Variants in SPON2 observed in about 807,000 individuals in gnomAD.
The protein encoded by SPON2 is spondin 2, also known as spondin-2.
Under a neutral mutation model 29.9 loss-of-function variants are expected in SPON2, and 32 were observed. The observed-to-expected ratio is 1.07, with a 90% CI of 0.81 to 1.44. The LOEUF is 1.44. Ranked by LOEUF, SPON2 falls within the 40% of genes most tolerant of loss-of-function variation. The pLI is 0.00. For synonymous variants in SPON2, 248 were observed against 209.1 expected (o/e 1.19, Z -1.61); for missense variants, 541 against 455.5 (o/e 1.19, Z -1.71).
Position 1,171,124 on chromosome 4 carries a change from A to T in SPON2, c.511T>A (p.Cys171Ser). 1 of 1,553,426 alleles carries T rather than the reference A, an allele frequency of 6.4e-7. No individual in the cohort carries two copies. The highest frequency in any genetic ancestry group is 1.4e-5 in the African/African-American group (1 of 73,382). The change falls in exon 4 of 6, where the codon TGC becomes AGC. Residue 171 changes from cysteine (C) to serine (S), a missense_variant. Transcript: ENST00000290902. ...TGTTCCCGCCAACGGTCCCCGTCGC[A>T]CAGGTCCAGGCTGTCCACGCCCACG... ...WFVGVDSLDL[C>S]DGDRWREQAA...
chr4:1,205,531 G>A (rs969972445), intron 1 of SPON2, among the ~76,000 whole-genome samples: 1 of 152,196 alleles, frequency 6.6e-6, no homozygotes, highest in Admixed American at 6.5e-5. Context: ...GGTTAAAAAC[G>A]AGGATCCTGG....
At chr4:1,171,754 C>T (rs1180007671) in intron 2 of SPON2, 98 bp downstream of exon 2, 4 of 909,710 alleles carry the variant, frequency 4.4e-6, no homozygotes, top group Non-Finnish European at 7.1e-6. Flanking sequence ...GACGTCAGCA[C>T]GCCCCAGACT....
At chr4:1,204,400 T>C (rs1052628427) in intron 1 of SPON2, among the ~76,000 whole-genome samples, 1 of 152,320 alleles carries the variant, frequency 6.6e-6, no homozygotes, top group East Asian at 1.9e-4. Flanking sequence ...GTCTGCAGGA[T>C]ACAGACCCGG....
intron 5 of SPON2, chr4:1,170,083 C>T (rs1727374024): frequency 3.3e-6 from 1 of 300,394 alleles, no homozygotes; most frequent in Non-Finnish European, 6.2e-6. Context: ...TAGCAAGCTT[C>T]CTTGTCAGCT....
chr4:1,177,204 G>T (rs1306458987), upstream of SPON2, among the ~76,000 whole-genome samples: 1 of 152,184 alleles, frequency 6.6e-6, no homozygotes, highest in African/African-American at 2.4e-5. Context: ...AGCAGCCCCT[G>T]TGTCCACATC....
At chr4:1,167,760 G>A in intron 5 of SPON2, 104 bp from the exon 6 acceptor site, 1 of 1,303,744 alleles carries the variant, frequency 7.7e-7, no homozygotes, top group Non-Finnish European at 1.0e-6. Context: ...CAGAGGCCAC[G>A]CCCACCCTTC....
At chr4:1,206,942 T>G (rs138475641) in intron 1 of SPON2, among the ~76,000 whole-genome samples, 4 of 18,488 alleles carry the variant, frequency 2.2e-4, no homozygotes, top group Non-Finnish European at 4.2e-4. Flanking sequence ...GAAGAGGCAG[T>G]GGGGGCAGGT....
At chr4:1,195,353 C>A (rs181496600), upstream of SPON2, among the ~76,000 whole-genome samples, 1 of 150,852 alleles carries the variant, frequency 6.6e-6, no homozygotes, top group East Asian at 1.9e-4. Context: ...ACAGGACCGG[C>A]CCCCTGGCCC....
intron 2 of SPON2, among the ~76,000 whole-genome samples, chr4:1,178,739 G>C (rs1727651709): frequency 6.6e-6 from 1 of 150,498 alleles, no homozygotes; most frequent in South Asian, 2.1e-4. Context: ...CATAACCAGT[G>C]TGAGCAGACA....
chr4:1,168,902 C>T (rs374587448), intron 5 of SPON2, among the ~76,000 whole-genome samples: 11 of 152,216 alleles, frequency 7.2e-5, no homozygotes, highest in African/African-American at 2.7e-4. Flanking sequence ...CCGCCACATG[C>T]CCATCCCAGC....
upstream of SPON2, among the ~76,000 whole-genome samples, chr4:1,175,106 G>A (rs753294445): frequency 9.9e-5 from 15 of 152,232 alleles, no homozygotes; most frequent in African/African-American, 3.1e-4. Flanking sequence ...GGCATGGGGC[G>A]GCTGTACTGC....
chr4:1,170,572 G>C lies in SPON2; in HGVS notation c.641C>G (p.Thr214Arg), dbSNP rs377322914. ...GGCCGGGTGGCTGGGAGAGGAGGAC[G>C]TTATCTGGGGAGGAAGAAGAGGAGG... ...TIPQDTVTEITSSSPSHPANS... is the reference protein window; with the variant it reads ...TIPQDTVTEIRSSSPSHPANS... Residue 214 changes from threonine to arginine, a missense_variant, in exon 5 of 6, where the codon ACG (threonine) becomes AGG (arginine). Transcript: ENST00000290902. The C allele has an allele frequency of 5.0e-6, 8 of 1,607,920 alleles. No individual in the cohort carries two copies. Among genetic ancestry groups the C allele is most frequent in the Non-Finnish European group, 6.8e-6 (8 of 1,178,214 alleles).
upstream of SPON2, among the ~76,000 whole-genome samples, chr4:1,198,568 T>C (rs900031): frequency 0.95 from 145,349 of 152,218 alleles, 69,757 homozygotes; most frequent in East Asian, 1. Flanking sequence ...TAGGACTCAA[T>C]GCAGCATCAG....
intron 1 of SPON2, 164 bp downstream of exon 1, chr4:1,172,380 A>T (rs1727487712): frequency 2.0e-6 from 1 of 508,754 alleles, no homozygotes; most frequent in Admixed American, 3.5e-5. Context: ...CGTCGCAGGG[A>T]CCCGGGGCCT....
chr4:1,173,840 G>C (rs1727534909), upstream of SPON2, among the ~76,000 whole-genome samples: 1 of 152,220 alleles, frequency 6.6e-6, no homozygotes, highest in Non-Finnish European at 1.5e-5. Flanking sequence ...AGGCCCCCAG[G>C]CCAAAGACAA....
chr4:1,173,024 C>T (rs988289202), upstream of SPON2: 3 of 151,300 alleles, frequency 2.0e-5, no homozygotes, highest in Admixed American at 6.6e-5. Context: ...GAGTTCTTTG[C>T]CCCAAGCCTT....
intron 1 of SPON2, among the ~76,000 whole-genome samples, chr4:1,203,845 A>G (rs993815682): frequency 1.1e-4 from 17 of 151,446 alleles, no homozygotes; most frequent in Non-Finnish European, 2.4e-4. Flanking sequence ...CGCATATATT[A>G]TTTGGAAAAA....
chr4:1,186,944 C>T (rs932549227), intron 1 of SPON2, among the ~76,000 whole-genome samples: 1 of 152,188 alleles, frequency 6.6e-6, no homozygotes, highest in Non-Finnish European at 1.5e-5. Context: ...TAAAATGACA[C>T]AGTTCCTATG....
chr4:1,186,093 A>G (rs886972223), intron 1 of SPON2, among the ~76,000 whole-genome samples: 1 of 147,732 alleles, frequency 6.8e-6, no homozygotes, highest in Non-Finnish European at 1.5e-5. Context: ...AAATACAAAA[A>G]ATTAGCCGGG....
Sources: gnomAD v4.1 joint callset for allele counts (sites outside exome capture counted in the v4.1 genomes callset) on GRCh38, gnomAD v4.1.1 for gene constraint, MANE v1.5 for transcripts, NCBI Gene and HGNC (gene_info 2026-07-23, HGNC 2026-07-21) for gene names.